SPHKAP: variants seen among roughly 807,000 people sequenced by gnomAD.
SPHKAP encodes the protein A-kinase anchor protein SPHKAP.
SPHKAP carries 67 observed loss-of-function variants against 137.5 expected under a neutral mutation model. The ratio of observed to expected loss-of-function variants is 0.49; its 90% confidence interval spans 0.40 to 0.60. SPHKAP has a LOEUF of 0.60. SPHKAP is among the 20% of genes least tolerant of loss of function. The pLI, the probability that SPHKAP is intolerant of heterozygous loss-of-function variation, is 0.00. For synonymous variants in SPHKAP, 813 were observed against 785.3 expected, an observed-to-expected ratio of 1.04 and a Z score of -0.59; for missense variants, 2,097 against 2,069.3, an observed-to-expected ratio of 1.01 and a Z score of -0.26.
intron 2 of SPHKAP, among the ~76,000 whole-genome samples, chr2:228,113,751 CAATTAAAGCA>C: frequency 6.6e-6 from 1 of 151,754 alleles, no homozygotes; most frequent in Non-Finnish European, 1.5e-5. Flanking sequence ...CTTTGGTAAA[CAATTAAAGCA>C]AATGATCTGA....
intron 2 of SPHKAP, among the ~76,000 whole-genome samples, chr2:228,125,448 G>A (rs935127689): frequency 1.3e-5 from 2 of 152,098 alleles, no homozygotes; most frequent in African/African-American, 4.8e-5. Flanking sequence ...TCAATTATGT[G>A]CCAAGGGCAT....
chr2:228,092,520 T>C (rs1207051895), intron 3 of SPHKAP, among the ~76,000 whole-genome samples: 1 of 96,186 alleles, frequency 1.0e-5, no homozygotes, highest in Admixed American at 1.1e-4. Flanking sequence ...ATATGTGCCA[T>C]ATATATGTAT....
chr2:228,048,685 G>C (rs1696152646), intron 3 of SPHKAP, among the ~76,000 whole-genome samples: 1 of 152,240 alleles, frequency 6.6e-6, no homozygotes, highest in East Asian at 1.9e-4. Context: ...CTGCTGTACA[G>C]GTTTGTAGCC....
At chr2:228,006,507 A>C (rs1244052223) in intron 7 of SPHKAP, among the ~76,000 whole-genome samples, 1 of 152,116 alleles carries the variant, frequency 6.6e-6, no homozygotes, top group Non-Finnish European at 1.5e-5. Flanking sequence ...AGCTCGGAGA[A>C]GTTTGATCGT....
At chr2:228,109,379 C>A (rs966477591) in intron 2 of SPHKAP, 28 of 984,770 alleles carry the variant, frequency 2.8e-5, no homozygotes, top group Non-Finnish European at 3.4e-5. Flanking sequence ...TTTGGTTCTG[C>A]TAACTTAGCT....
rs149349348 is a variant in SPHKAP at position 228,023,798 on chromosome 2, T to C, written c.441+1596A>G. 6.8e-4 allele frequency among the ~76,000 whole-genome samples: 104 copies of C among 152,312 alleles called. 1 individual carries two copies. The highest frequency in any genetic ancestry group is 3.4e-3 in the Middle Eastern group (1 of 294). On this transcript the variant is annotated intron_variant, in intron 5 of 11. Coordinates refer to ENST00000392056, the MANE Select transcript of SPHKAP (RefSeq NM_001142644.2). ...AGTGATTCACACGGAGTTGATTCACTTCCAGCGCCAGGGGTGATCATGTGA... is the reference window on the plus strand; with the variant it reads ...AGTGATTCACACGGAGTTGATTCACCTCCAGCGCCAGGGGTGATCATGTGA...
intron 2 of SPHKAP, among the ~76,000 whole-genome samples, chr2:228,119,950 GT>G (rs1230405455): frequency 1.3e-5 from 2 of 152,112 alleles, no homozygotes; most frequent in Non-Finnish European, 2.9e-5. Flanking sequence ...TTGGTTGGAT[GT>G]AAAGCATTCA....
intron 3 of SPHKAP, among the ~76,000 whole-genome samples, chr2:228,049,084 G>A (rs1305615801): frequency 6.6e-6 from 1 of 152,082 alleles, no homozygotes; most frequent in Admixed American, 6.6e-5. Flanking sequence ...CAACCACTAG[G>A]AGGCTCCATA....
rs556765977 is a variant in SPHKAP, at chr2:228,118,916, G to A, written c.139-9977C>T. ...TTTCCTTTTCATTCTGTTGTAGGAG[G>A]ACACGTCATAATCACATAAATTATA... On this transcript the variant is annotated intron_variant, in intron 2 of 11. Transcript: ENST00000392056. 7.2e-5 allele frequency among the ~76,000 whole-genome samples: 11 copies of A among 152,188 alleles called. No homozygotes were observed. In the South Asian group the frequency reaches 2.3e-3, roughly 32 times the overall value.
chr2:228,151,816 G>T (rs1699941624), intron 1 of SPHKAP, among the ~76,000 whole-genome samples: 1 of 151,912 alleles, frequency 6.6e-6, no homozygotes, highest in Non-Finnish European at 1.5e-5. Flanking sequence ...CAGAGGATAG[G>T]TGCTTATTAT....
chr2:228,039,133 T>A (rs1695744421), intron 3 of SPHKAP, among the ~76,000 whole-genome samples: 1 of 152,242 alleles, frequency 6.6e-6, no homozygotes, highest in African/African-American at 2.4e-5. Context: ...CTTTTGTGTG[T>A]TTGTGCACGT....
At chr2:228,099,692 A>G (rs1026159761) in intron 3 of SPHKAP, among the ~76,000 whole-genome samples, 1 of 152,068 alleles carries the variant, frequency 6.6e-6, no homozygotes, top group Non-Finnish European at 1.5e-5. Context: ...TGTGTCATCT[A>G]TAATTTATTT....
intron 1 of SPHKAP, among the ~76,000 whole-genome samples, chr2:228,141,413 T>C (rs1197118387): frequency 1.3e-5 from 2 of 152,216 alleles, no homozygotes; most frequent in East Asian, 3.9e-4. Flanking sequence ...AAATACCACA[T>C]GAAGCCCTGT....
intron 1 of SPHKAP, among the ~76,000 whole-genome samples, chr2:228,139,305 A>G (rs1159419580): frequency 6.6e-6 from 1 of 152,172 alleles, no homozygotes; most frequent in Non-Finnish European, 1.5e-5. Flanking sequence ...CTCTAAATCT[A>G]TCAGATATAC....
At position 228,001,246 on chromosome 2, in the gene SPHKAP, TATAC is replaced by T. The variant is rs1488198667; in HGVS notation, c.4449-5556_4449-5553del. ...TTATATAAACATATATATATATATA[TATAC>T]ACACACACACACATATATAAATATA... On this transcript the variant is annotated intron_variant, in intron 7 of 11. Coordinates refer to ENST00000392056, the MANE Select transcript of SPHKAP (RefSeq NM_001142644.2). Among the ~76,000 whole-genome samples, 21 of 127,030 alleles carry T rather than the reference TATAC, an allele frequency of 1.7e-4. No individual in the cohort carries two copies. In the South Asian group the frequency reaches 2.7e-3, roughly 16 times the overall value. 83.3% of individuals were successfully genotyped at this position (127,030 alleles called of 152,430 possible).
chr2:228,094,813 A>G lies in SPHKAP; in HGVS notation c.246+14019T>C, dbSNP rs143237953. Among the ~76,000 whole-genome samples the G allele has an allele frequency of 2.5e-3, 385 of 152,296 alleles. 2 individuals are homozygous for G. Among genetic ancestry groups the G allele is most frequent in the African/African-American group, 8.9e-3 (371 of 41,564 alleles). The stretch of plus-strand genomic sequence containing the variant: ...CAGTTACTCATACCACGGTAACCTT[A>G]AAATATATCTCGGAATTAGGTGCTG... On this transcript the variant is annotated intron_variant, in intron 3 of 11. Coordinates refer to ENST00000392056, the MANE Select transcript of SPHKAP (RefSeq NM_001142644.2).
chr2:228,051,293 A>G (rs2106273115), intron 3 of SPHKAP, among the ~76,000 whole-genome samples: 1 of 152,288 alleles, frequency 6.6e-6, no homozygotes, highest in Non-Finnish European at 1.5e-5. Flanking sequence ...CAGCAGATTG[A>G]CTTATTGTTC....
chr2:228,000,446 A>G (rs1275130344), intron 7 of SPHKAP, among the ~76,000 whole-genome samples: 1 of 151,994 alleles, frequency 6.6e-6, no homozygotes, highest in Non-Finnish European at 1.5e-5. Context: ...GTGAAACCCC[A>G]TCTCTACTAA....
chr2:228,173,798 A>G lies in SPHKAP; in HGVS notation c.32+7769T>C, dbSNP rs562354927. 1.6e-4 allele frequency among the ~76,000 whole-genome samples: 25 copies of G among 152,218 alleles called. 1 individual carries two copies. The highest frequency in any genetic ancestry group is 2.9e-5 in the Non-Finnish European group (2 of 68,036). ...TTTCTGACAATTTTAAAAAGCAGCA[A>G]TAGAAAAGCAATACGATGCCTTTAT... On this transcript the variant is annotated intron_variant, in intron 1 of 11. Transcript: ENST00000392056.
Sources: allele counts gnomAD v4.1 joint callset (sites outside exome capture counted in the v4.1 genomes callset), GRCh38; gene constraint gnomAD v4.1.1; transcripts MANE v1.5; gene names NCBI Gene and HGNC (gene_info 2026-07-23, HGNC 2026-07-21).